Variants in ARAP2 observed in about 807,000 individuals in gnomAD.
ARAP2 encodes ArfGAP with RhoGAP domain, ankyrin repeat and PH domain 2.
In ARAP2, 148 loss-of-function variants were observed where a neutral mutation model predicts 194.5. The ratio of observed to expected loss-of-function variants is 0.76; its 90% confidence interval spans 0.67 to 0.87. The LOEUF (loss-of-function observed/expected upper bound fraction) is 0.87. ARAP2 is among the 40% of genes least tolerant of loss of function. The probability of loss-of-function intolerance (pLI) is 0.00; values close to 1 mark genes in which losing one functional copy is unlikely to be tolerated. For synonymous variants in ARAP2, 695 were observed against 683.5 expected, an observed-to-expected ratio of 1.02 and a Z score of -0.26; for missense variants, 2,128 against 1,989.7, an observed-to-expected ratio of 1.07 and a Z score of -1.32.
At chr4:36,131,800 T>C (rs770400682) in intron 20 of ARAP2, among the ~76,000 whole-genome samples, 5 of 151,796 alleles carry the variant, frequency 3.3e-5, no homozygotes, top group Non-Finnish European at 7.4e-5. Context: ...GATTCATGTA[T>C]AGCTGCAAAA....
chr4:36,034,080 T>C (rs1226346021), intron 5 of ARAP2, among the ~76,000 whole-genome samples: 1 of 152,178 alleles, frequency 6.6e-6, no homozygotes, highest in African/African-American at 2.4e-5. Context: ...TTGGGTAACA[T>C]GATACCTTCA....
At chr4:36,050,044 A>G (rs113908287) in intron 3 of ARAP2, among the ~76,000 whole-genome samples, 3 of 152,188 alleles carry the variant, frequency 2.0e-5, no homozygotes, top group African/African-American at 4.8e-5. Flanking sequence ...GAAAGCTTCA[A>G]TAGAAAGAGG....
chr4:36,026,089 C>A (rs1717860451), intron 5 of ARAP2, among the ~76,000 whole-genome samples: 1 of 152,088 alleles, frequency 6.6e-6, no homozygotes, highest in South Asian at 2.1e-4. Flanking sequence ...AAATTTCTTT[C>A]TCACTATTTT....
At chr4:36,038,220 C>T (rs997226289) in intron 5 of ARAP2, among the ~76,000 whole-genome samples, 3 of 152,130 alleles carry the variant, frequency 2.0e-5, no homozygotes, top group Non-Finnish European at 4.4e-5. Flanking sequence ...CATTTGCTTC[C>T]ACAGCTTTGT....
At chr4:36,100,603 T>A (rs1037426822) in intron 27 of ARAP2, among the ~76,000 whole-genome samples, 1 of 151,924 alleles carries the variant, frequency 6.6e-6, no homozygotes, top group African/African-American at 2.4e-5. Flanking sequence ...ATTGTATAGA[T>A]GTATTTTTTT....
At chr4:36,129,547 G>A (rs546551924) in intron 20 of ARAP2, among the ~76,000 whole-genome samples, 1 of 151,856 alleles carries the variant, frequency 6.6e-6, no homozygotes, top group East Asian at 2.0e-4. Flanking sequence ...TTGACATTCT[G>A]AACGAATCCC....
intron 5 of ARAP2, among the ~76,000 whole-genome samples, chr4:36,023,067 C>A (rs903387568): frequency 6.6e-6 from 1 of 152,150 alleles, no homozygotes; most frequent in Non-Finnish European, 1.5e-5. Flanking sequence ...ACATAGCTAC[C>A]AAGGCATTCT....
intron 5 of ARAP2, among the ~76,000 whole-genome samples, chr4:36,020,295 C>T (rs977148650): frequency 6.6e-6 from 1 of 152,130 alleles, no homozygotes; most frequent in African/African-American, 2.4e-5. Flanking sequence ...GCTGTAATCC[C>T]AGCTACTCAG....
At chr4:36,038,813 T>C (rs1720356336) in intron 5 of ARAP2, among the ~76,000 whole-genome samples, 2 of 152,172 alleles carry the variant, frequency 1.3e-5, no homozygotes, top group South Asian at 4.1e-4. Context: ...AGAAATAAAA[T>C]AGATTGGGCT....
chr4:36,091,962 G>T lies in ARAP2; in HGVS notation c.4344C>A (p.Ser1448=), dbSNP rs1302262732. The T allele has an allele frequency of 6.2e-7, 1 of 1,607,554 alleles. No homozygotes were observed. The change falls in exon 28 of 33, where the codon TCC becomes TCA. Residue 1448 remains serine (S), a synonymous_variant. Coordinates refer to ENST00000303965, the MANE Select transcript of ARAP2 (RefSeq NM_015230.4). ...EGILKIKEEP[S]KILSGNKFQD... ...GAAACTTATTTCCAGATAGTATTTT[G>T]GATGGTTCTTCTTTGATTTTCAAGA... is the stretch of plus-strand genomic sequence containing the variant.
chr4:36,038,422 G>A (rs1201107014), intron 5 of ARAP2, among the ~76,000 whole-genome samples: 1 of 152,132 alleles, frequency 6.6e-6, no homozygotes, highest in Non-Finnish European at 1.5e-5. Flanking sequence ...TTTCCTCAGT[G>A]TAAAATAGCA....
chr4:36,168,805 T>A (rs1735896064), intron 9 of ARAP2, among the ~76,000 whole-genome samples: 1 of 152,120 alleles, frequency 6.6e-6, no homozygotes, highest in South Asian at 2.1e-4. Context: ...GTAAAATAAT[T>A]AGAATGGGAG....
intron 21 of ARAP2, among the ~76,000 whole-genome samples, chr4:36,126,407 T>G (rs1369083709): frequency 2.0e-5 from 3 of 152,006 alleles, no homozygotes; most frequent in Admixed American, 6.6e-5. Flanking sequence ...AGGAATGATT[T>G]CAGGCCATAT....
At chr4:36,151,873 A>G (rs1241593713) in intron 15 of ARAP2, among the ~76,000 whole-genome samples, 3 of 152,228 alleles carry the variant, frequency 2.0e-5, no homozygotes, top group African/African-American at 7.2e-5. Context: ...GTAAAATGCT[A>G]ATAATTGATA....
intron 31 of ARAP2, among the ~76,000 whole-genome samples, chr4:36,077,816 C>T (rs1577769079): frequency 6.6e-6 from 1 of 152,170 alleles, no homozygotes; most frequent in East Asian, 1.9e-4. Flanking sequence ...AATATCTTAC[C>T]TTCATGATGT....
chr4:36,159,147 T>C (rs559705944), intron 14 of ARAP2, among the ~76,000 whole-genome samples, 184 bp downstream of exon 14: 1 of 152,364 alleles, frequency 6.6e-6, no homozygotes, highest in African/African-American at 2.4e-5. Context: ...ACATAAAAGA[T>C]TGACTTCCTA....
chr4:36,230,590 A>G (rs1323288251), intron 1 of ARAP2, among the ~76,000 whole-genome samples: 3 of 152,238 alleles, frequency 2.0e-5, no homozygotes, highest in Non-Finnish European at 4.4e-5. Context: ...AAATTTTTTA[A>G]AAGTCCATTT....
chr4:36,179,614 T>G (rs1309507780), intron 8 of ARAP2, among the ~76,000 whole-genome samples: 15 of 152,166 alleles, frequency 9.9e-5, no homozygotes, highest in Non-Finnish European at 2.2e-4. Flanking sequence ...GAAGTAGTTA[T>G]CAAAGCAAAA....
At chr4:36,029,094 C>G (rs11096794) in intron 5 of ARAP2, among the ~76,000 whole-genome samples, 1 of 151,902 alleles carries the variant, frequency 6.6e-6, no homozygotes, top group East Asian at 1.9e-4. Flanking sequence ...TGTAAACACA[C>G]ACCAACACAA....
Sources: allele counts gnomAD v4.1 joint callset (sites outside exome capture counted in the v4.1 genomes callset), GRCh38; gene constraint gnomAD v4.1.1; transcripts MANE v1.5; gene names NCBI Gene and HGNC (gene_info 2026-07-23, HGNC 2026-07-21).